Variants in SMAD7 observed in about 807,000 individuals in gnomAD.
The protein encoded by SMAD7 is MAD (mothers against decapentaplegic, Drosophila) homolog 7.
SMAD7 carries 8 observed loss-of-function variants against 38.7 expected under a neutral mutation model. That is an observed-to-expected ratio of 0.21 (90% CI 0.12 to 0.37). The LOEUF (loss-of-function observed/expected upper bound fraction) is 0.37. Ranked by LOEUF, SMAD7 falls within the 10% of genes least tolerant of loss-of-function variation. The probability of loss-of-function intolerance (pLI) is 1.00; values close to 1 mark genes in which losing one functional copy is unlikely to be tolerated. For missense variants in SMAD7, 477 were observed against 577.9 expected, an observed-to-expected ratio of 0.83 and a Z score of 1.79; for synonymous variants, 327 against 265.1, an observed-to-expected ratio of 1.23 and a Z score of -2.27.
rs74509535 is a variant in SMAD7, at chr18:48,921,264, C to G, written c.*108G>C. ...AACCAACCAACAAACAAAAAAAAAA[C>G]GACCAAAGAGTTTGCATGAAAAGCA... On this transcript the variant is annotated 3_prime_UTR_variant, in exon 4 of 4. Coordinates refer to ENST00000262158, the MANE Select transcript of SMAD7 (RefSeq NM_005904.4). This position sits in a 1 kb window ranked among gnomAD's most constrained non-coding sequence, Gnocchi z 6.4. 1.0e-6 allele frequency: 1 copy of G among 964,138 alleles called. No individual in the cohort carries two copies. Among genetic ancestry groups the G allele is most frequent in the South Asian group, 1.9e-5 (1 of 53,698 alleles). 59.7% of individuals were successfully genotyped at this position (964,138 alleles called of 1,614,324 possible).
chr18:48,928,080 G>T (rs1300655600), intron 3 of SMAD7, among the ~76,000 whole-genome samples: 1 of 152,210 alleles, frequency 6.6e-6, no homozygotes, highest in Non-Finnish European at 1.5e-5. Flanking sequence ...CTGCGCATGG[G>T]GTGCAACTCC....
intron 3 of SMAD7, among the ~76,000 whole-genome samples, chr18:48,925,672 G>A (rs899136171): frequency 2.3e-4 from 35 of 152,164 alleles, no homozygotes; most frequent in Non-Finnish European, 4.7e-4. Flanking sequence ...CACACCCCAG[G>A]TCTCAATGGC....
intron 2 of SMAD7, among the ~76,000 whole-genome samples, chr18:48,945,239 TC>T (rs1242423269): frequency 6.6e-6 from 1 of 151,966 alleles, no homozygotes. Context: ...GGTGGGCAGA[TC>T]ACACGAGGTC....
intron 3 of SMAD7, among the ~76,000 whole-genome samples, chr18:48,940,450 G>GA (rs1300166358): frequency 6.6e-6 from 1 of 151,986 alleles, no homozygotes; most frequent in Non-Finnish European, 1.5e-5. Flanking sequence ...GAGCTTTGGG[G>GA]AAAAAAAGCC....
chr18:48,946,930 G>A lies in SMAD7; in HGVS notation c.667+1454C>T, dbSNP rs116329006. 8.1e-3 allele frequency among the ~76,000 whole-genome samples: 1,234 copies of A among 152,210 alleles called. 15 individuals are homozygous for A. Among genetic ancestry groups the A allele is most frequent in the African/African-American group, 0.029 (1,184 of 41,498 alleles). Reference sequence around the variant, plus strand: ...GCTGGTCTTTATCCCTGGGGCTAAGGTCACTGTTCTCTCTCTTTTAAGGAA... The same window carrying A: ...GCTGGTCTTTATCCCTGGGGCTAAGATCACTGTTCTCTCTCTTTTAAGGAA... On this transcript the variant is annotated intron_variant, in intron 2 of 3. Coordinates refer to ENST00000262158, the MANE Select transcript of SMAD7 (RefSeq NM_005904.4).
intron 2 of SMAD7, among the ~76,000 whole-genome samples, chr18:48,947,837 C>T (rs936774104): frequency 1.3e-5 from 2 of 151,144 alleles, no homozygotes; most frequent in African/African-American, 4.9e-5. Context: ...ATGGCGAATA[C>T]TGAGAAAACC....
At chr18:48,925,436 C>CCCA (rs1018141361) in intron 3 of SMAD7, among the ~76,000 whole-genome samples, 2 of 45,892 alleles carry the variant, frequency 4.4e-5, no homozygotes, top group African/African-American at 1.2e-4. Context: ...GGTGTTGCCC[C>CCCA]CCCCCAACCT....
In SMAD7 at chr18:48,948,274, C is replaced by T. The variant is rs544323287; in HGVS notation, c.667+110G>A. 5.4e-5 allele frequency: 36 copies of T among 661,266 alleles called. No individual in the cohort carries two copies. The African/African-American group carries it at 5.5e-4, about 10-fold the overall frequency. 41.0% of individuals were successfully genotyped at this position (661,266 alleles called of 1,614,324 possible). On this transcript the variant is annotated intron_variant, in intron 2 of 3. Coordinates refer to ENST00000262158, the MANE Select transcript of SMAD7 (RefSeq NM_005904.4). The stretch of plus-strand genomic sequence containing the variant: ...TCCAACAGAGGAAACCTAGAACCAA[C>T]GTGAAGCCCAGCACCTCCCCAAGCC...
chr18:48,950,161 G>C lies in SMAD7; in HGVS notation c.264C>G (p.Ala88=). 8.7e-6 allele frequency: 13 copies of C among 1,488,298 alleles called. No individual in the cohort carries two copies. Among genetic ancestry groups the C allele is most frequent in the Non-Finnish European group, 1.2e-5 (13 of 1,124,822 alleles). 92.2% of individuals were successfully genotyped at this position (1,488,298 alleles called of 1,614,324 possible). ...PAAGAGAAGG[A]EADLKALTHS... ...GCGTGAGCGCCTTCAGATCCGCCTC[G>C]GCGCCCCCGGCCGCGCCGGCGCCCG... The change falls in exon 1 of 4, where the codon GCC becomes GCG. Residue 88 remains alanine, a synonymous_variant. Coordinates refer to ENST00000262158, the MANE Select transcript of SMAD7 (RefSeq NM_005904.4).
At chr18:48,940,823 A>G (rs2070130141) in intron 3 of SMAD7, among the ~76,000 whole-genome samples, 1 of 151,860 alleles carries the variant, frequency 6.6e-6, no homozygotes, top group African/African-American at 2.4e-5. Flanking sequence ...AGAAAAAAAA[A>G]AAAAAGCCCA....
chr18:48,945,208 C>T (rs2143815195), intron 2 of SMAD7, among the ~76,000 whole-genome samples: 1 of 152,178 alleles, frequency 6.6e-6, no homozygotes, highest in East Asian at 1.9e-4. Context: ...CGCCTGTAAT[C>T]CCAGCACTTT....
In SMAD7 at chr18:48,950,440, G is replaced by A. The variant is rs1467132768; in HGVS notation, c.-16C>T. On this transcript the variant is annotated 5_prime_UTR_variant, in exon 1 of 4. Coordinates refer to ENST00000262158, the MANE Select transcript of SMAD7 (RefSeq NM_005904.4). ...TCCTGAACATGCGGGGCGAGGAGGCGAGGAGAAAAGTCGTTTGCCTGCTAA... is the reference window on the plus strand; with the variant it reads ...TCCTGAACATGCGGGGCGAGGAGGCAAGGAGAAAAGTCGTTTGCCTGCTAA... 1.3e-6 allele frequency: 2 copies of A among 1,543,354 alleles called. No homozygotes were observed. Among genetic ancestry groups the A allele is most frequent in the East Asian group, 2.7e-5 (1 of 37,730 alleles).
intron 3 of SMAD7, among the ~76,000 whole-genome samples, chr18:48,930,525 C>A (rs1178573414): frequency 6.6e-6 from 1 of 152,200 alleles, no homozygotes; most frequent in African/African-American, 2.4e-5. Flanking sequence ...GCCTCCAGGC[C>A]TCCCATAAAC....
chr18:48,940,188 G>A lies in SMAD7; in HGVS notation c.742+2293C>T, dbSNP rs140053304. On this transcript the variant is annotated intron_variant, in intron 3 of 3. Coordinates refer to ENST00000262158, the MANE Select transcript of SMAD7 (RefSeq NM_005904.4). ...TGAATACACTGCACCAACTCTGAAC[G>A]GAAAGAAGAAGGAGCTCAAACTTTG... Among the ~76,000 whole-genome samples the A allele has an allele frequency of 4.3e-3, 660 of 152,130 alleles. 3 individuals carry two copies. The highest frequency in any genetic ancestry group is 0.031 in the Middle Eastern group (9 of 294).
chr18:48,939,566 AC>A (rs1462533522), intron 3 of SMAD7, among the ~76,000 whole-genome samples: 1 of 127,716 alleles, frequency 7.8e-6, no homozygotes, highest in Non-Finnish European at 1.7e-5. Flanking sequence ...AGCACACCCC[AC>A]CCCCACCTCC....
intron 3 of SMAD7, among the ~76,000 whole-genome samples, chr18:48,936,734 G>C (rs1233572617): frequency 6.6e-6 from 1 of 152,160 alleles, no homozygotes; most frequent in African/African-American, 2.4e-5. Flanking sequence ...GTAAAGACCA[G>C]CCTGGCCATC....
At chr18:48,926,045 C>T (rs2069924486) in intron 3 of SMAD7, among the ~76,000 whole-genome samples, 1 of 152,222 alleles carries the variant, frequency 6.6e-6, no homozygotes, top group South Asian at 2.1e-4. Context: ...CGCACCCAGA[C>T]CCCTTCTTAA....
intron 3 of SMAD7, among the ~76,000 whole-genome samples, chr18:48,932,821 G>T (rs565341308): frequency 6.6e-6 from 1 of 152,302 alleles, no homozygotes; most frequent in South Asian, 2.1e-4. Flanking sequence ...CCCCCAGATG[G>T]TCTTCGTTGC....
Position 48,928,544 on chromosome 18 carries a change from CT to C in SMAD7, c.743-6635del, listed in dbSNP as rs772974610. ...ACGGTGAGCCCCCAAGAGAGGATCT[CT>C]TTTATCACTGTCATCCGTCCACTGT... On this transcript the variant is annotated intron_variant, in intron 3 of 3. Coordinates refer to ENST00000262158, the MANE Select transcript of SMAD7 (RefSeq NM_005904.4). 4.6e-5 allele frequency among the ~76,000 whole-genome samples: 7 copies of C among 152,104 alleles called. No individual in the cohort carries two copies. The South Asian group carries it at 1.2e-3, about 27-fold the overall frequency.
Sources: allele counts gnomAD v4.1 joint callset (sites outside exome capture counted in the v4.1 genomes callset), GRCh38; gene constraint gnomAD v4.1.1; non-coding constraint Gnocchi (gnomAD v3.1); transcripts MANE v1.5; gene names NCBI Gene and HGNC (gene_info 2026-07-23, HGNC 2026-07-21).